LRRC37A2: variants seen among roughly 807,000 people sequenced by gnomAD.
LRRC37A2 encodes the protein leucine rich repeat containing 37 member A2.
LRRC37A2 carries 9 observed loss-of-function variants against 68.8 expected under a neutral mutation model. The ratio of observed to expected loss-of-function variants is 0.13; its 90% CI spans 0.08 to 0.23. The LOEUF (loss-of-function observed/expected upper bound fraction) is 0.23. Ranked by LOEUF, LRRC37A2 falls within the 10% of genes least tolerant of loss-of-function variation. LRRC37A2 has a pLI of 1.00. For missense variants in LRRC37A2, 168 were observed against 950.4 expected (o/e 0.18, Z 10.82); for synonymous variants, 63 against 367.6 (o/e 0.17, Z 9.48).
the LRRC37A2 span, among the ~76,000 whole-genome samples, chr17:47,001,717 C>CTTTTTTTTTTTTTT: frequency 1.8e-5 from 2 of 108,608 alleles, no homozygotes; most frequent in African/African-American, 3.4e-5. Flanking sequence ...CTCTTTTTTC[C>CTTTTTTTTTTTTTT]TTTTTTTTTT....
chr17:46,938,303 A>T, the LRRC37A2 span, among the ~76,000 whole-genome samples: 1 of 152,226 alleles, frequency 6.6e-6, no homozygotes, highest in Non-Finnish European at 1.5e-5. Context: ...TTACACACAT[A>T]TCTGTAAGAG....
At chr17:46,852,445 T>G in the LRRC37A2 span, among the ~76,000 whole-genome samples, 4 of 133,958 alleles carry the variant, frequency 3.0e-5, no homozygotes, top group East Asian at 2.2e-4. Flanking sequence ...TGTGTGTACA[T>G]GGTTGGAAAA....
At chr17:46,722,264 G>T in the LRRC37A2 span, 5 of 1,018,396 alleles carry the variant, frequency 4.9e-6, no homozygotes, top group African/African-American at 1.6e-5. Flanking sequence ...ATTAATTTTG[G>T]GGGGAGTCTG....
the LRRC37A2 span, among the ~76,000 whole-genome samples, chr17:46,724,962 A>G: frequency 1.3e-5 from 2 of 152,170 alleles, no homozygotes; most frequent in African/African-American, 2.4e-5. Flanking sequence ...TTCTACTTGA[A>G]TTTAAAATGT....
the LRRC37A2 span, among the ~76,000 whole-genome samples, chr17:46,759,395 G>A: frequency 3.3e-5 from 5 of 152,352 alleles, no homozygotes; most frequent in East Asian, 5.8e-4. Flanking sequence ...GGGAGATAGC[G>A]CCTGTGATTG....
At chr17:46,549,062 A>T in exon 10 of LRRC37A2, 2 of 1,612,140 alleles carry the variant, frequency 1.2e-6, no homozygotes, top group Non-Finnish European at 1.7e-6. Context: ...TACCGCTTTC[A>T]CAAAACTCGC....
At chr17:46,780,130 C>G in the LRRC37A2 span, among the ~76,000 whole-genome samples, 1 of 152,222 alleles carries the variant, frequency 6.6e-6, no homozygotes, top group Non-Finnish European at 1.5e-5. Flanking sequence ...GACTTACGCA[C>G]CTAACATATG....
chr17:46,820,194 C>T, the LRRC37A2 span, among the ~76,000 whole-genome samples: 2 of 152,242 alleles, frequency 1.3e-5, no homozygotes, highest in Non-Finnish European at 2.9e-5. Flanking sequence ...CGAGCCCTCT[C>T]CGCACGCGGC....
At chr17:46,777,765 G>A in the LRRC37A2 span, among the ~76,000 whole-genome samples, 9 of 152,248 alleles carry the variant, frequency 5.9e-5, no homozygotes, top group East Asian at 5.8e-4. Context: ...GTAGTTGGGC[G>A]ACTTATGCAA....
the LRRC37A2 span, among the ~76,000 whole-genome samples, chr17:46,889,938 C>G: frequency 6.6e-6 from 1 of 152,194 alleles, no homozygotes; most frequent in Non-Finnish European, 1.5e-5. Context: ...TTCGTTAAAA[C>G]AAATGCTTAG....
chr17:46,553,021 CT>C (rs2056945818), intron 11 of LRRC37A2, among the ~76,000 whole-genome samples: 1 of 143,300 alleles, frequency 7.0e-6, no homozygotes, highest in African/African-American at 2.8e-5. Flanking sequence ...TGACACCGCA[CT>C]CCATCCTGAG....
At chr17:46,893,427 T>C in the LRRC37A2 span, among the ~76,000 whole-genome samples, 1 of 152,086 alleles carries the variant, frequency 6.6e-6, no homozygotes, top group African/African-American at 2.4e-5. Flanking sequence ...GTGGCCAGTG[T>C]AGTTACAGCT....
chr17:46,750,740 G>A, the LRRC37A2 span, among the ~76,000 whole-genome samples: 1 of 152,068 alleles, frequency 6.6e-6, no homozygotes, highest in African/African-American at 2.4e-5. Context: ...GGTGGTGTGG[G>A]GGTAAGGTAA....
At chr17:46,934,611 A>G in the LRRC37A2 span, among the ~76,000 whole-genome samples, 1 of 152,222 alleles carries the variant, frequency 6.6e-6, no homozygotes, top group South Asian at 2.1e-4. Flanking sequence ...TAAAATAGCT[A>G]AAGGACACGA....
the LRRC37A2 span, among the ~76,000 whole-genome samples, chr17:46,761,084 A>G: frequency 1.1e-4 from 17 of 152,246 alleles, no homozygotes; most frequent in Non-Finnish European, 2.5e-4. Context: ...AAATGAAATA[A>G]AAATGACCAG....
chr17:46,874,471 T>A, the LRRC37A2 span, among the ~76,000 whole-genome samples: 30 of 152,342 alleles, frequency 2.0e-4, 1 homozygote, highest in South Asian at 6.2e-3. Context: ...CATCTCAGTG[T>A]TCTTCTCTGA....
the LRRC37A2 span, chr17:46,923,697 A>G: frequency 1.2e-5 from 8 of 651,670 alleles, no homozygotes; most frequent in Non-Finnish European, 1.8e-5. Context: ...TTTATGGTAC[A>G]AAGAAATTGC....
At chr17:46,851,798 C>T in the LRRC37A2 span, 3 of 718,374 alleles carry the variant, frequency 4.2e-6, no homozygotes, top group African/African-American at 1.8e-5. The surrounding 1 kb of genome is among the most constrained non-coding windows in gnomAD (Gnocchi z 4.3). Context: ...ATTTTTCCCT[C>T]CCGCTGTCCT....
the LRRC37A2 span, among the ~76,000 whole-genome samples, chr17:46,598,602 G>A: frequency 6.6e-6 from 1 of 152,094 alleles, no homozygotes; most frequent in Admixed American, 6.5e-5. Flanking sequence ...GGAGTTGAAA[G>A]GGGTATGGAA....
Sources: gnomAD v4.1 joint callset for allele counts (sites outside exome capture counted in the v4.1 genomes callset) on GRCh38, gnomAD v4.1.1 for gene constraint, Gnocchi (gnomAD v3.1) non-coding constraint, MANE v1.5 for transcripts, NCBI Gene and HGNC (gene_info 2026-07-23, HGNC 2026-07-21) for gene names.